The following TOX3 variants were observed in gnomAD, a reference collection of about 807,000 sequenced individuals.
TOX3 encodes the protein CAG trinucleotide repeat-containing gene F9 protein.
In TOX3, 22 loss-of-function variants were observed where a neutral mutation model predicts 64.3. That is an observed-to-expected ratio of 0.34 (90% CI 0.24 to 0.49). The LOEUF is 0.49. TOX3 is among the 20% of genes least tolerant of loss of function. The pLI, the probability that TOX3 is intolerant of heterozygous loss-of-function variation, is 0.99. For synonymous variants in TOX3, 291 were observed against 273.6 expected (o/e 1.06, Z -0.63); for missense variants, 661 against 714.4 (o/e 0.93, Z 0.85).
chr16:52,546,988 G>A lies in TOX3; in HGVS notation c.-265C>T, dbSNP rs1483118794. The A allele has an allele frequency of 1.4e-5, 14 of 975,848 alleles. No homozygotes were observed. The highest frequency in any genetic ancestry group is 1.7e-5 in the Non-Finnish European group (14 of 824,862). The allele number at this position is 975,848 out of a possible 1,614,324, so 60.4% of individuals were successfully genotyped here. A position where few individuals can be genotyped will look rare whatever the true frequency, so the allele number is the denominator to read the frequency against. ...GGGCACCGAGGCAGCGCTGCGCGCG[G>A]GCCGGGCGCCGGGGGCGCGGGGCGC... On this transcript the variant is annotated 5_prime_UTR_variant, in exon 1 of 7. Transcript: ENST00000219746.
chr16:52,445,045 G>T (rs1415153667), intron 5 of TOX3: 1 of 152,148 alleles, frequency 6.6e-6, no homozygotes, highest in Non-Finnish European at 1.5e-5. Context: ...TTTCTCTCCA[G>T]AGTTTAAAAG....
At chr16:52,496,670 G>T (rs934839028) in intron 1 of TOX3, among the ~76,000 whole-genome samples, 1 of 152,150 alleles carries the variant, frequency 6.6e-6, no homozygotes, top group Non-Finnish European at 1.5e-5. Context: ...TCCTCTTTCA[G>T]ATCCCACTTT....
chr16:52,483,563 G>C (rs905778881), intron 1 of TOX3, among the ~76,000 whole-genome samples: 1 of 101,366 alleles, frequency 9.9e-6, no homozygotes, highest in African/African-American at 3.7e-5. Flanking sequence ...AGGGCAGTTT[G>C]GTTTTTTTTT....
At chr16:52,443,150 C>T (rs927055184) in intron 6 of TOX3, among the ~76,000 whole-genome samples, 1 of 152,220 alleles carries the variant, frequency 6.6e-6, no homozygotes, top group Non-Finnish European at 1.5e-5. Flanking sequence ...ATTCACTTCA[C>T]TCCATCTAGT....
At chr16:52,471,442 T>C (rs1224275707) in intron 1 of TOX3, among the ~76,000 whole-genome samples, 2 of 152,188 alleles carry the variant, frequency 1.3e-5, no homozygotes, top group African/African-American at 4.8e-5. Context: ...CTCAGAACAA[T>C]TAACTTTAAG....
In TOX3 at chr16:52,546,749, G is replaced by A. The variant is rs540124442; in HGVS notation, c.-26C>T. 2.0e-5 allele frequency: 30 copies of A among 1,498,240 alleles called. No homozygotes were observed. Among genetic ancestry groups the A allele is most frequent in the Admixed American group, 6.3e-5 (3 of 47,740 alleles). The allele number at this position is 1,498,240 out of a possible 1,614,324, so 92.8% of individuals were successfully genotyped here. A position where few individuals can be genotyped will look rare whatever the true frequency, so the allele number is the denominator to read the frequency against. On this transcript the variant is annotated 5_prime_UTR_variant, in exon 1 of 7. Transcript: ENST00000219746. ...GCCGAAGCTGGGCCCGGGGCCGGGG[G>A]CCGGGACTGGGGTTCGCCGGGGCCG...
chr16:52,531,511 T>G (rs1393264951), intron 1 of TOX3, among the ~76,000 whole-genome samples: 1 of 152,210 alleles, frequency 6.6e-6, no homozygotes, highest in Non-Finnish European at 1.5e-5. Flanking sequence ...TAGATTAACT[T>G]AAGTGGTGTA....
At chr16:52,489,062 ACT>A (rs1394700202) in intron 1 of TOX3, among the ~76,000 whole-genome samples, 2 of 151,982 alleles carry the variant, frequency 1.3e-5, no homozygotes, top group African/African-American at 2.4e-5. Context: ...CCAAACCAGA[ACT>A]TCAAATCATC....
At chr16:52,513,787 T>A (rs1297426640) in intron 1 of TOX3, among the ~76,000 whole-genome samples, 1 of 152,200 alleles carries the variant, frequency 6.6e-6, no homozygotes, top group Non-Finnish European at 1.5e-5. Context: ...TAAAAATACC[T>A]AGTGATTGTG....
At chr16:52,506,862 T>C (rs892254525) in intron 1 of TOX3, among the ~76,000 whole-genome samples, 1 of 152,192 alleles carries the variant, frequency 6.6e-6, no homozygotes, top group African/African-American at 2.4e-5. Context: ...GAAGCACTAG[T>C]ATTTATTATG....
At position 52,463,992 on chromosome 16, in the gene TOX3, G is replaced by A. The variant is rs756886057; in HGVS notation, c.350C>T (p.Thr117Ile). 6.3e-7 allele frequency: 1 copy of A among 1,597,470 alleles called. No homozygotes were observed. The highest frequency in any genetic ancestry group is 8.5e-7 in the Non-Finnish European group (1 of 1,171,722). Reference protein sequence around the residue: ...PPQSLDLPSITISRNLVEQDG... With the variant: ...PPQSLDLPSIIISRNLVEQDG... ...TTGTTCCACGAGATTTCTTGAGATT[G>A]TAATGGAAGGGAGGTCCAGGCTTTG... The change falls in exon 3 of 7, where the codon ACA (threonine) becomes ATA (isoleucine). Residue 117 changes from threonine (T) to isoleucine (I), a missense_variant. This residue lies in a region of TOX3 where 259 missense variants were observed against 261.2 expected (regional missense o/e 0.99). Coordinates refer to ENST00000219746, the MANE Select transcript of TOX3 (RefSeq NM_001080430.4).
chr16:52,503,755 T>G (rs1390115147), intron 1 of TOX3, among the ~76,000 whole-genome samples: 1 of 152,206 alleles, frequency 6.6e-6, no homozygotes, highest in African/African-American at 2.4e-5. Context: ...TTTTAAGACT[T>G]TATTTGAACC....
chr16:52,540,167 G>T (rs1199311953), intron 1 of TOX3, among the ~76,000 whole-genome samples: 1 of 151,876 alleles, frequency 6.6e-6, no homozygotes, highest in South Asian at 2.1e-4. Flanking sequence ...ATCACTGGCG[G>T]CCAAGAGTTC....
At position 52,547,135 on chromosome 16, in the gene TOX3, C is replaced by G. The variant is rs117469893; in HGVS notation, c.-412G>C. The G allele has an allele frequency of 0.16, 28,189 of 172,618 alleles. 2,719 individuals carry two copies. The highest frequency in any genetic ancestry group is 0.24 in the Middle Eastern group (81 of 342). The allele number at this position is 172,618 out of a possible 1,614,324, so 10.7% of individuals were successfully genotyped here. On this transcript the variant is annotated 5_prime_UTR_variant, in exon 1 of 7. Coordinates refer to ENST00000219746, the MANE Select transcript of TOX3 (RefSeq NM_001080430.4). Reference sequence around the variant, plus strand: ...CCCCGGGCGGACTGAGGAGACGAGCCGCGGAGACAAGGGGCCCGGCCCCTC... The same window carrying G: ...CCCCGGGCGGACTGAGGAGACGAGCGGCGGAGACAAGGGGCCCGGCCCCTC...
rs527386570 is a variant in TOX3 at position 52,525,254 on chromosome 16, G to C, written c.87+21383C>G. Among the ~76,000 whole-genome samples the C allele has an allele frequency of 1.3e-4, 20 of 152,210 alleles. 2 individuals carry two copies. The East Asian group carries it at 2.3e-3, about 18-fold the overall frequency. The stretch of plus-strand genomic sequence containing the variant: ...GTATACTAAAGATCCATTTAATTAA[G>C]TTTGGGGAGGGGGGTTCTCTATCTT... On this transcript the variant is annotated intron_variant, in intron 1 of 6. Transcript: ENST00000219746.
At chr16:52,465,502 G>A (rs1453674651) in intron 2 of TOX3, among the ~76,000 whole-genome samples, 1 of 146,656 alleles carries the variant, frequency 6.8e-6, no homozygotes, top group Admixed American at 6.8e-5. Flanking sequence ...TCAGGTGGAG[G>A]GTTTGGGGGG....
intron 5 of TOX3, chr16:52,445,429 G>A (rs1375757209): frequency 6.6e-6 from 1 of 152,304 alleles, no homozygotes; most frequent in African/African-American, 2.4e-5. Context: ...GTTGCAAGGG[G>A]AAGGAGAGGA....
chr16:52,537,339 A>T (rs1962973981), intron 1 of TOX3, among the ~76,000 whole-genome samples: 1 of 152,192 alleles, frequency 6.6e-6, no homozygotes, highest in Non-Finnish European at 1.5e-5. Flanking sequence ...TATCCATAGA[A>T]TATCCAGGTG....
At chr16:52,452,334 G>A (rs985683696) in intron 3 of TOX3, among the ~76,000 whole-genome samples, 10 of 152,062 alleles carry the variant, frequency 6.6e-5, no homozygotes, top group African/African-American at 1.9e-4. Context: ...GAGAACATGC[G>A]GTGTTTGGTT....
Sources: allele counts gnomAD v4.1 joint callset (sites outside exome capture counted in the v4.1 genomes callset), GRCh38; gene constraint gnomAD v4.1.1; regional missense constraint gnomAD v4.1.1; transcripts MANE v1.5; gene names NCBI Gene and HGNC (gene_info 2026-07-23, HGNC 2026-07-21).